Variants in ZNF609 observed in about 807,000 individuals in gnomAD.
ZNF609 encodes zinc finger protein 609.
A neutral mutation model predicts 109.5 loss-of-function variants in ZNF609; 11 were observed. The observed-to-expected ratio is 0.10, with a 90% confidence interval of 0.06 to 0.17. The LOEUF (loss-of-function observed/expected upper bound fraction) is 0.17, where lower values mean the gene tolerates loss of function less well. ZNF609 is among the 10% of genes least tolerant of loss of function. The probability of loss-of-function intolerance (pLI) is 1.00; values close to 1 mark genes in which losing one functional copy is unlikely to be tolerated. For synonymous variants in ZNF609, 646 were observed against 662.0 expected (o/e 0.98, Z 0.37); for missense variants, 1,559 against 1,772.4 (o/e 0.88, Z 2.16).
At chr15:64,667,902 A>G (rs1394513568) in intron 3 of ZNF609, among the ~76,000 whole-genome samples, 1 of 152,134 alleles carries the variant, frequency 6.6e-6, no homozygotes, top group Non-Finnish European at 1.5e-5. Flanking sequence ...CTAACCCCCA[A>G]CCAGCCTTAT....
chr15:64,631,537 C>G, intron 3 of ZNF609: 5 of 615,014 alleles, frequency 8.1e-6, no homozygotes, highest in Non-Finnish European at 1.5e-5. Context: ...ATTTTCTTTT[C>G]TTTCTTTTTT....
intron 2 of ZNF609, among the ~76,000 whole-genome samples, chr15:64,621,391 C>G (rs115321058): frequency 0.013 from 1,962 of 151,988 alleles, 31 homozygotes; most frequent in African/African-American, 0.046. Context: ...ACTCTGTCAC[C>G]CAGACTGGAG....
chr15:64,514,779 C>T (rs1893782978), intron 2 of ZNF609, among the ~76,000 whole-genome samples: 2 of 152,018 alleles, frequency 1.3e-5, no homozygotes, highest in Admixed American at 1.3e-4. Flanking sequence ...GCTGGAATTA[C>T]AAGTGTGCAC....
chr15:64,550,917 C>T (rs760912038), intron 2 of ZNF609, among the ~76,000 whole-genome samples: 13 of 151,414 alleles, frequency 8.6e-5, no homozygotes, highest in Non-Finnish European at 1.5e-4. Context: ...TCTTCTCATG[C>T]ATAAGTTTTC....
At chr15:64,610,399 A>G (rs112327942) in intron 2 of ZNF609, among the ~76,000 whole-genome samples, 8,381 of 152,180 alleles carry the variant, frequency 0.055, 786 homozygotes, top group African/African-American at 0.19. Flanking sequence ...TAATACCTGG[A>G]TGATGAAATA....
chr15:64,504,351 T>C (rs1893600967), intron 2 of ZNF609, among the ~76,000 whole-genome samples: 1 of 152,244 alleles, frequency 6.6e-6, no homozygotes, highest in Admixed American at 6.5e-5. Context: ...TCACAGGTAG[T>C]CACTGGCAAA....
chr15:64,641,035 A>AGTCCTTT (rs1406429302), intron 3 of ZNF609, among the ~76,000 whole-genome samples: 2 of 152,184 alleles, frequency 1.3e-5, no homozygotes, highest in East Asian at 1.9e-4. Flanking sequence ...ATCCTGTACT[A>AGTCCTTT]GTCCTTTTCC....
intron 2 of ZNF609, among the ~76,000 whole-genome samples, chr15:64,568,468 T>C (rs1894813058): frequency 6.6e-6 from 1 of 152,198 alleles, no homozygotes; most frequent in Non-Finnish European, 1.5e-5. Flanking sequence ...CTTGAGGAGC[T>C]CTTGAAAATC....
At chr15:64,541,734 G>A (rs1171464835) in intron 2 of ZNF609, among the ~76,000 whole-genome samples, 1 of 150,400 alleles carries the variant, frequency 6.6e-6, no homozygotes, top group Admixed American at 6.7e-5. Context: ...CAGCTACTCA[G>A]GAGGCTGAGG....
intron 2 of ZNF609, among the ~76,000 whole-genome samples, chr15:64,590,293 C>T (rs1034581264): frequency 2.6e-5 from 4 of 152,024 alleles, no homozygotes; most frequent in African/African-American, 7.3e-5. Flanking sequence ...GGGGAGAGAG[C>T]GTATGGGATA....
At chr15:64,658,759 T>C (rs1018809104) in intron 3 of ZNF609, among the ~76,000 whole-genome samples, 6 of 150,512 alleles carry the variant, frequency 4.0e-5, no homozygotes, top group Non-Finnish European at 7.4e-5. Context: ...ATCATACCAC[T>C]ACACTCCAGC....
rs765806055 is a variant in ZNF609, at chr15:64,672,304, A to AC, written c.1062-1609dup. On this transcript the variant is annotated intron_variant, in intron 4 of 9. Coordinates refer to ENST00000326648, the MANE Select transcript of ZNF609 (RefSeq NM_015042.2). ...TGGGATTACAGGCATGAGCCACCGCACCCAGCCCAAGGCTTAGACTTTTAT... is the reference window on the plus strand; with the variant it reads ...TGGGATTACAGGCATGAGCCACCGCACCCCAGCCCAAGGCTTAGACTTTTAT... Among the ~76,000 whole-genome samples, 119 of 147,900 alleles carry AC rather than the reference A, an allele frequency of 8.0e-4. 1 individual carries two copies. Among genetic ancestry groups the AC allele is most frequent in the Non-Finnish European group, 1.6e-3 (108 of 66,802 alleles).
chr15:64,510,074 C>T (rs1455248898), intron 2 of ZNF609, among the ~76,000 whole-genome samples: 2 of 152,202 alleles, frequency 1.3e-5, no homozygotes, highest in Non-Finnish European at 2.9e-5. Context: ...CCCATTTCAT[C>T]TCATCCCATA....
rs1206513622 is a variant in ZNF609, at chr15:64,546,789, C to CT, written c.747+46642dup. 5.9e-3 allele frequency among the ~76,000 whole-genome samples: 718 copies of CT among 122,536 alleles called. 4 individuals are homozygous for CT. Among genetic ancestry groups the CT allele is most frequent in the Middle Eastern group, 9.3e-3 (2 of 216 alleles). 80.4% of individuals were successfully genotyped at this position (122,536 alleles called of 152,430 possible). A position where few individuals can be genotyped will look rare whatever the true frequency, so the allele number is the denominator to read the frequency against. On this transcript the variant is annotated intron_variant, in intron 2 of 9. Transcript: ENST00000326648. ...ACAACCCAGCCAGTTTTTCATGTTT[C>CT]TTTTTTTTTTTTTTTTTTTGAGACA...
intron 2 of ZNF609, chr15:64,529,256 C>G: frequency 1.4e-6 from 1 of 715,828 alleles, no homozygotes. Context: ...TGTCATACTT[C>G]TCATGGTTCA....
chr15:64,667,908 C>G (rs770684598), intron 3 of ZNF609, among the ~76,000 whole-genome samples: 3 of 152,082 alleles, frequency 2.0e-5, no homozygotes, highest in Non-Finnish European at 4.4e-5. Flanking sequence ...CCCAACCAGC[C>G]TTATGAAAGG....
chr15:64,604,067 G>A (rs1895554701), intron 2 of ZNF609, among the ~76,000 whole-genome samples: 1 of 148,866 alleles, frequency 6.7e-6, no homozygotes, highest in South Asian at 2.1e-4. Context: ...AGACACAAAT[G>A]ATTCTGCTCC....
At chr15:64,526,160 C>A (rs1156927193) in intron 2 of ZNF609, among the ~76,000 whole-genome samples, 1 of 149,638 alleles carries the variant, frequency 6.7e-6, no homozygotes, top group Non-Finnish European at 1.5e-5. Context: ...CAAAATCTTG[C>A]ACTTCTTTTG....
At chr15:64,626,939 C>G (rs1895971696) in intron 3 of ZNF609, among the ~76,000 whole-genome samples, 1 of 152,122 alleles carries the variant, frequency 6.6e-6, no homozygotes, top group Admixed American at 6.6e-5. Context: ...TTTGCTTTAT[C>G]TCACCTCACT....
Sources: gnomAD v4.1 joint callset for allele counts (sites outside exome capture counted in the v4.1 genomes callset) on GRCh38, gnomAD v4.1.1 for gene constraint, MANE v1.5 for transcripts, NCBI Gene and HGNC (gene_info 2026-07-23, HGNC 2026-07-21) for gene names.